Variants in SLC36A1 observed in about 807,000 individuals in gnomAD.
SLC36A1 encodes the protein solute carrier family 36 member 1.
In SLC36A1, 30 loss-of-function variants were observed where a neutral mutation model predicts 47.5. That is an observed-to-expected ratio of 0.63 (90% CI 0.47 to 0.86). SLC36A1 has a LOEUF of 0.86. Ranked by LOEUF, SLC36A1 falls within the 40% of genes least tolerant of loss-of-function variation. The probability of loss-of-function intolerance (pLI) is 0.00; values close to 1 mark genes in which losing one functional copy is unlikely to be tolerated. For missense variants in SLC36A1, 517 were observed against 606.0 expected, an observed-to-expected ratio of 0.85 and a Z score of 1.54; for synonymous variants, 255 against 249.7, an observed-to-expected ratio of 1.02 and a Z score of -0.20.
At chr5:151,363,143 G>C in the SLC36A1 span, among the ~76,000 whole-genome samples, 4 of 152,144 alleles carry the variant, frequency 2.6e-5, no homozygotes, top group Admixed American at 6.5e-5. Flanking sequence ...CTGTGTTTTG[G>C]CACTGGATGA....
the SLC36A1 span, among the ~76,000 whole-genome samples, chr5:151,363,355 C>A: frequency 2.6e-5 from 4 of 152,130 alleles, no homozygotes; most frequent in African/African-American, 9.7e-5. Context: ...TGGTGCTGGG[C>A]AGATTGGAAG....
the SLC36A1 span, among the ~76,000 whole-genome samples, chr5:151,425,936 C>T: frequency 2.0e-5 from 3 of 152,162 alleles, no homozygotes; most frequent in Non-Finnish European, 4.4e-5. Context: ...CTCATGTATC[C>T]TTCCAGAGAT....
the SLC36A1 span, among the ~76,000 whole-genome samples, chr5:151,358,290 T>C: frequency 6.6e-6 from 1 of 152,044 alleles, no homozygotes; most frequent in Non-Finnish European, 1.5e-5. Context: ...TTTTTTGTTG[T>C]TGAGACAGGG....
chr5:151,456,325 A>G (rs1469580327), intron 1 of SLC36A1, among the ~76,000 whole-genome samples: 5 of 152,182 alleles, frequency 3.3e-5, no homozygotes, highest in African/African-American at 1.2e-4. Context: ...TGCATAAATA[A>G]TTATGTTCAT....
chr5:151,402,111 G>A, the SLC36A1 span, among the ~76,000 whole-genome samples: 3 of 152,162 alleles, frequency 2.0e-5, no homozygotes, highest in Non-Finnish European at 4.4e-5. Context: ...TCAGGATGAT[G>A]TTGGCTGTGG....
the SLC36A1 span, chr5:151,550,516 C>T: frequency 2.0e-6 from 3 of 1,509,840 alleles, no homozygotes; most frequent in Non-Finnish European, 2.7e-6. Context: ...GGACCTTCAG[C>T]ATGTCTCCAA....
chr5:151,483,415 C>A (rs968103937), intron 10 of SLC36A1, among the ~76,000 whole-genome samples: 3 of 151,698 alleles, frequency 2.0e-5, no homozygotes, highest in Non-Finnish European at 4.4e-5. Context: ...CCTCTGTCCC[C>A]CCTTTTGTAC....
At chr5:151,416,039 G>T in the SLC36A1 span, among the ~76,000 whole-genome samples, 1 of 152,244 alleles carries the variant, frequency 6.6e-6, no homozygotes, top group South Asian at 2.1e-4. Flanking sequence ...CCAGGAGGCG[G>T]AGGTTGCAGT....
intron 10 of SLC36A1, among the ~76,000 whole-genome samples, chr5:151,483,246 G>A (rs777142231): frequency 5.9e-5 from 9 of 152,116 alleles, no homozygotes; most frequent in Non-Finnish European, 1.3e-4. Context: ...AAAACCACAG[G>A]CTCCAGAATC....
At chr5:151,350,669 G>T in the SLC36A1 span, among the ~76,000 whole-genome samples, 1 of 151,980 alleles carries the variant, frequency 6.6e-6, no homozygotes, top group Non-Finnish European at 1.5e-5. Flanking sequence ...CCTAAAGCTG[G>T]AAGAACATAA....
intron 8 of SLC36A1, 62 bp from the exon 9 acceptor site, chr5:151,476,528 T>C (rs749014445): frequency 3.2e-5 from 42 of 1,315,584 alleles, no homozygotes; most frequent in Admixed American, 1.5e-4. Context: ...GTTTTTTTTT[T>C]TCTTGGCCAT....
chr5:151,431,480 A>G, the SLC36A1 span: 1 of 152,336 alleles, frequency 6.6e-6, no homozygotes, highest in Middle Eastern at 3.4e-3. Context: ...TGGAGCAGCC[A>G]TGGTGATATG....
chr5:151,512,398 A>T, the SLC36A1 span: 1 of 1,614,228 alleles, frequency 6.2e-7, no homozygotes, highest in Non-Finnish European at 8.5e-7. The surrounding 1 kb of genome is among the most constrained non-coding windows in gnomAD (Gnocchi z 4.1). Context: ...GCCCAGCAAG[A>T]GGTGCCTTTC....
intron 6 of SLC36A1, 134 bp from the exon 7 acceptor site, chr5:151,467,573 G>C: frequency 1.4e-6 from 1 of 730,806 alleles, no homozygotes; most frequent in South Asian, 1.7e-5. Flanking sequence ...TCTAAAGATG[G>C]CTCACTGGCC....
At chr5:151,486,089 C>T (rs895342542) in intron 10 of SLC36A1, among the ~76,000 whole-genome samples, 1 of 152,188 alleles carries the variant, frequency 6.6e-6, no homozygotes, top group African/African-American at 2.4e-5. Context: ...TATTTTGGCT[C>T]ATGGCTCTGC....
the SLC36A1 span, chr5:151,544,024 T>C: frequency 6.2e-6 from 10 of 1,614,180 alleles, no homozygotes; most frequent in African/African-American, 2.7e-5. Context: ...ATCAGACACA[T>C]TGACAACCAC....
intron 6 of SLC36A1, 81 bp from the exon 7 acceptor site, chr5:151,467,626 C>T (rs11949709): frequency 0.22 from 267,976 of 1,229,408 alleles, 33,398 homozygotes; most frequent in East Asian, 0.51. Flanking sequence ...AGCCTTTCCT[C>T]AGGAACCTCT....
chr5:151,377,316 T>C, the SLC36A1 span, among the ~76,000 whole-genome samples: 1 of 150,734 alleles, frequency 6.6e-6, no homozygotes, highest in South Asian at 2.1e-4. Context: ...GGTATTGAAG[T>C]CCCCCACTAT....
the SLC36A1 span, among the ~76,000 whole-genome samples, chr5:151,414,501 A>G: frequency 2.5e-4 from 38 of 152,176 alleles, no homozygotes; most frequent in African/African-American, 8.4e-4. Context: ...GATATTGACA[A>G]TTTTCAAGTT....
Sources: allele counts gnomAD v4.1 joint callset (sites outside exome capture counted in the v4.1 genomes callset), GRCh38; gene constraint gnomAD v4.1.1; non-coding constraint Gnocchi (gnomAD v3.1); transcripts MANE v1.5; gene names NCBI Gene and HGNC (gene_info 2026-07-23, HGNC 2026-07-21).